The following MDM2 variants were observed in gnomAD, a reference collection of about 807,000 sequenced individuals.
MDM2 encodes the protein E3 ubiquitin-protein ligase Mdm2.
In MDM2, 11 loss-of-function variants were observed where a neutral mutation model predicts 64.3. The ratio of observed to expected loss-of-function variants is 0.17; its 90% CI spans 0.11 to 0.28. The LOEUF is 0.28. MDM2 is among the 10% of genes least tolerant of loss of function. The pLI, the probability that MDM2 is intolerant of heterozygous loss-of-function variation, is 1.00. For missense variants in MDM2, 388 were observed against 577.1 expected, an observed-to-expected ratio of 0.67 and a Z score of 3.36; for synonymous variants, 194 against 192.9, an observed-to-expected ratio of 1.01 and a Z score of -0.05.
downstream of MDM2, chr12:68,850,269 GAGCGA>G (rs1884605311): frequency 6.8e-6 from 1 of 146,618 alleles, no homozygotes; most frequent in Non-Finnish European, 1.5e-5. Context: ...CTGGGTGACA[GAGCGA>G]GACTTCGTCC....
intron 5 of MDM2, 155 bp downstream of exon 5, chr12:68,820,529 T>C (rs1881756899): frequency 1.6e-6 from 1 of 635,486 alleles, no homozygotes; most frequent in Non-Finnish European, 2.8e-6. Context: ...GAAGTACATA[T>C]GAACTAAAAC....
At chr12:68,832,667 C>A (rs1177869492) in intron 8 of MDM2, among the ~76,000 whole-genome samples, 1 of 149,908 alleles carries the variant, frequency 6.7e-6, no homozygotes, top group Non-Finnish European at 1.5e-5. Flanking sequence ...TGTGCACCAC[C>A]ACACCTGGCT....
intron 10 of MDM2, among the ~76,000 whole-genome samples, chr12:68,838,184 T>C (rs1410288990): frequency 6.6e-6 from 1 of 152,254 alleles, no homozygotes; most frequent in Non-Finnish European, 1.5e-5. Flanking sequence ...TTATTGCTCC[T>C]GTCTTAACAT....
chr12:68,815,269 A>C (rs992741357), intron 3 of MDM2, among the ~76,000 whole-genome samples: 1 of 152,176 alleles, frequency 6.6e-6, no homozygotes, highest in African/African-American at 2.4e-5. Context: ...AAAGACTTAG[A>C]ATGCTTATGC....
chr12:68,828,841 C>T lies in MDM2; in HGVS notation c.594C>T (p.Ser198=). 6.2e-7 allele frequency: 1 copy of T among 1,613,948 alleles called. No homozygotes were observed. Among genetic ancestry groups the T allele is most frequent in the East Asian group, 2.2e-5 (1 of 44,864 alleles). The change falls in exon 8 of 11, where the codon TCC becomes TCT. Residue 198 remains serine (S), a synonymous_variant. Transcript: ENST00000258149. ...ACAAATCTGATAGTATTTCCCTTTC[C>T]TTTGATGAAAGCCTGGCTCTGTGTG... The part of the protein sequence containing the change: ...KRHKSDSISL[S]FDESLALCVI...
chr12:68,824,907 T>C, intron 7 of MDM2: 1 of 416,730 alleles, frequency 2.4e-6, no homozygotes. Flanking sequence ...GTTAAGATAG[T>C]AGGAGGTGGC....
At chr12:68,836,923 A>G (rs897972501) in intron 10 of MDM2, among the ~76,000 whole-genome samples, 174 bp downstream of exon 10, 1 of 148,576 alleles carries the variant, frequency 6.7e-6, no homozygotes, top group Non-Finnish European at 1.5e-5. Context: ...ACCTGTAGCT[A>G]TAATTTTTAT....
At chr12:68,829,765 CAAAA>C (rs10658881) in intron 8 of MDM2, among the ~76,000 whole-genome samples, 2 of 104,892 alleles carry the variant, frequency 1.9e-5, no homozygotes, top group Non-Finnish European at 2.0e-5. Context: ...GACTCCATCT[CAAAA>C]AAAAAAAAAA....
At chr12:68,826,127 A>G (rs923095259) in intron 7 of MDM2, among the ~76,000 whole-genome samples, 12 of 152,174 alleles carry the variant, frequency 7.9e-5, no homozygotes, top group African/African-American at 2.7e-4. Flanking sequence ...CACAGTAAAT[A>G]CGAATGACTA....
At chr12:68,833,644 T>A (rs187281809) in intron 8 of MDM2, among the ~76,000 whole-genome samples, 96 of 152,002 alleles carry the variant, frequency 6.3e-4, no homozygotes, top group African/African-American at 2.2e-3. Flanking sequence ...GGGCCATGGT[T>A]TCTGTCACAG....
At position 68,843,003 on chromosome 12, in the gene MDM2, C is replaced by G. The variant is rs757815373; in HGVS notation, c.*3154C>G. 1.4e-5 allele frequency: 3 copies of G among 212,882 alleles called. No homozygotes were observed. Among genetic ancestry groups the G allele is most frequent in the Non-Finnish European group, 1.9e-5 (2 of 105,460 alleles). 13.2% of individuals were successfully genotyped at this position (212,882 alleles called of 1,614,324 possible). A position where few individuals can be genotyped will look rare whatever the true frequency, so the allele number is the denominator to read the frequency against. ...TGGCAAATACTAAGTTCTAACTTGT[C>G]ATTCCTGGTAGAACAAGCTTTATTT... is the stretch of plus-strand genomic sequence containing the variant. On this transcript the variant is annotated 3_prime_UTR_variant, in exon 11 of 11. Transcript: ENST00000258149.
rs752078756 is a variant in MDM2, at chr12:68,839,756, C to T, written c.1401C>T (p.Cys467=). ...VHGKTGHLMA[C]FTCAKKLKKR... Reference sequence around the variant, plus strand: ...GCAAAACAGGACATCTTATGGCCTGCTTTACATGTGCAAAGAAGCTAAAGA... The same window carrying T: ...GCAAAACAGGACATCTTATGGCCTGTTTTACATGTGCAAAGAAGCTAAAGA... The change falls in exon 11 of 11, where the codon TGC becomes TGT. Residue 467 remains cysteine (C), a synonymous_variant. Transcript: ENST00000258149. 6.2e-7 allele frequency: 1 copy of T among 1,613,976 alleles called. No individual in the cohort carries two copies. Among genetic ancestry groups the T allele is most frequent in the South Asian group, 1.1e-5 (1 of 91,078 alleles).
chr12:68,817,921 C>T (rs1170258662), intron 4 of MDM2, among the ~76,000 whole-genome samples: 1 of 151,862 alleles, frequency 6.6e-6, no homozygotes, highest in African/African-American at 2.4e-5. Context: ...CCTCGGCTTC[C>T]CGAGTAGCTG....
At chr12:68,838,196 A>G (rs1009503047) in intron 10 of MDM2, among the ~76,000 whole-genome samples, 3 of 152,216 alleles carry the variant, frequency 2.0e-5, no homozygotes, top group Non-Finnish European at 2.9e-5. Context: ...TCTTAACATC[A>G]TTTGTGAGGC....
At chr12:68,821,105 T>C (rs1374735917) in intron 5 of MDM2, among the ~76,000 whole-genome samples, 1 of 144,096 alleles carries the variant, frequency 6.9e-6, no homozygotes, top group Non-Finnish European at 1.5e-5. Context: ...TGGAGTGTAG[T>C]GGCATGATTT....
chr12:68,835,357 A>C (rs1041651885), intron 8 of MDM2, among the ~76,000 whole-genome samples: 1 of 152,214 alleles, frequency 6.6e-6, no homozygotes, highest in Non-Finnish European at 1.5e-5. Context: ...AGAGGGGGAA[A>C]GTGTGGAAGT....
intron 2 of MDM2, among the ~76,000 whole-genome samples, chr12:68,810,005 G>GT (rs1165572409): frequency 6.6e-6 from 1 of 152,028 alleles, no homozygotes; most frequent in African/African-American, 2.4e-5. Flanking sequence ...GACTATTTCT[G>GT]TAAGAAAGAT....
At chr12:68,816,785 T>C in intron 3 of MDM2, 27 bp from the exon 4 acceptor site, 2 of 1,551,052 alleles carry the variant, frequency 1.3e-6, no homozygotes, top group Admixed American at 4.2e-5. Flanking sequence ...TTTTCTTTAA[T>C]GCTCAGAAAT....
chr12:68,816,965 C>A lies in MDM2; in HGVS notation c.308+20C>A, dbSNP rs758613549. ...GCACAGGTAATTCTTCAGTTTAGTC[C>A]ATTGTAAAAAGCCATCTGGGCTAAC... On this transcript the variant is annotated intron_variant, in intron 4 of 10. Coordinates refer to ENST00000258149, the MANE Select transcript of MDM2 (RefSeq NM_002392.6). The A allele has an allele frequency of 6.2e-7, 1 of 1,607,530 alleles. No individual in the cohort carries two copies. Among genetic ancestry groups the A allele is most frequent in the South Asian group, 1.1e-5 (1 of 89,120 alleles).
Sources: allele counts gnomAD v4.1 joint callset (sites outside exome capture counted in the v4.1 genomes callset), GRCh38; gene constraint gnomAD v4.1.1; transcripts MANE v1.5; gene names NCBI Gene and HGNC (gene_info 2026-07-23, HGNC 2026-07-21).